FRMD3: variants seen among roughly 807,000 people sequenced by gnomAD.
FRMD3 encodes the protein FERM domain containing 3.
In FRMD3, 33 loss-of-function variants were observed where a neutral mutation model predicts 70.2. That is an observed-to-expected ratio of 0.47 (90% CI 0.36 to 0.63). The LOEUF (loss-of-function observed/expected upper bound fraction) is 0.63. Ranked by LOEUF, FRMD3 falls within the 20% of genes least tolerant of loss-of-function variation. The pLI, the probability that FRMD3 is intolerant of heterozygous loss-of-function variation, is 0.00. For synonymous variants in FRMD3, 279 were observed against 255.9 expected (o/e 1.09, Z -0.86); for missense variants, 632 against 711.4 (o/e 0.89, Z 1.27).
intron 1 of FRMD3, among the ~76,000 whole-genome samples, chr9:83,501,723 G>A (rs1424087633): frequency 2.6e-5 from 4 of 152,232 alleles, no homozygotes; most frequent in African/African-American, 7.2e-5. Flanking sequence ...TGTAACAAGC[G>A]GCAAGGCAAC....
At chr9:83,543,567 C>T in the FRMD3 span, among the ~76,000 whole-genome samples, 4 of 152,152 alleles carry the variant, frequency 2.6e-5, no homozygotes, top group Non-Finnish European at 5.9e-5. Flanking sequence ...CTTGTGTCTC[C>T]ACATCACCAA....
intron 1 of FRMD3, among the ~76,000 whole-genome samples, chr9:83,419,963 G>A (rs779268473): frequency 8.5e-5 from 13 of 152,184 alleles, no homozygotes; most frequent in Non-Finnish European, 1.6e-4. Context: ...ACCTCAGGTA[G>A]ACCACGGACT....
intron 6 of FRMD3, among the ~76,000 whole-genome samples, chr9:83,327,333 T>A (rs1836059907): frequency 6.6e-6 from 1 of 152,212 alleles, no homozygotes; most frequent in African/African-American, 2.4e-5. Flanking sequence ...TGGCTTCAAA[T>A]GTTTGGGAGT....
At chr9:83,322,023 T>A (rs72743061) in intron 6 of FRMD3, among the ~76,000 whole-genome samples, 20,789 of 151,980 alleles carry the variant, frequency 0.14, 1,543 homozygotes, top group Non-Finnish European at 0.17. Flanking sequence ...GTTGCAGCCA[T>A]GACAACTTGA....
intron 1 of FRMD3, among the ~76,000 whole-genome samples, chr9:83,523,062 GATTA>G (rs1829611446): frequency 1.3e-5 from 2 of 152,110 alleles, no homozygotes; most frequent in Non-Finnish European, 2.9e-5. Flanking sequence ...GATTGGCAAG[GATTA>G]ATTATTATTT....
chr9:83,274,240 C>T (rs1220567090), intron 13 of FRMD3, among the ~76,000 whole-genome samples: 1 of 152,190 alleles, frequency 6.6e-6, no homozygotes, highest in African/African-American at 2.4e-5. Context: ...CTCTACAACA[C>T]AGGACTTCTA....
chr9:83,246,587 G>A lies in FRMD3; in HGVS notation c.*1331C>T. ...TTAAAACAACTGGGAAAGGAAAGGA[G>A]TATAATGACCACCGCAAAACATGAT... On this transcript the variant is annotated 3_prime_UTR_variant, in exon 14 of 14. Transcript: ENST00000304195. The A allele has an allele frequency of 4.1e-6, 4 of 984,648 alleles. No individual in the cohort carries two copies. The highest frequency in any genetic ancestry group is 4.8e-6 in the Non-Finnish European group (4 of 829,792). The allele number at this position is 984,648 out of a possible 1,614,324, so 61.0% of individuals were successfully genotyped here.
intron 13 of FRMD3, chr9:83,267,177 T>C: frequency 1.9e-6 from 3 of 1,550,550 alleles, no homozygotes; most frequent in Non-Finnish European, 2.6e-6. Flanking sequence ...TCGGCCTGCA[T>C]GGCCCAGGGC....
At chr9:83,270,960 C>G (rs1420003080) in intron 13 of FRMD3, among the ~76,000 whole-genome samples, 1 of 151,368 alleles carries the variant, frequency 6.6e-6, no homozygotes, top group Admixed American at 6.6e-5. Flanking sequence ...TTACGAGTTA[C>G]TCCTCCCCAA....
intron 9 of FRMD3, among the ~76,000 whole-genome samples, 188 bp downstream of exon 9, chr9:83,310,297 A>G (rs2131048145): frequency 6.6e-6 from 1 of 152,226 alleles, no homozygotes; most frequent in East Asian, 1.9e-4. Context: ...TACTGACTTT[A>G]TTGTTCAATG....
At chr9:83,498,982 G>C (rs1350186581) in intron 1 of FRMD3, among the ~76,000 whole-genome samples, 1 of 152,132 alleles carries the variant, frequency 6.6e-6, no homozygotes, top group Non-Finnish European at 1.5e-5. Flanking sequence ...TGCAAAATGA[G>C]TATGTTACCT....
rs183235868 is a variant in FRMD3, at chr9:83,383,455, G to A, written c.252+6149C>T. On this transcript the variant is annotated intron_variant, in intron 2 of 13. Transcript: ENST00000304195. ...AAATAGTCATTTTCTAACCTATACT[G>A]TTTTTATTTCTCCAAGTCATACATC... 2.0e-3 allele frequency among the ~76,000 whole-genome samples: 302 copies of A among 152,226 alleles called. 3 individuals carry two copies. Among genetic ancestry groups the A allele is most frequent in the African/African-American group, 6.9e-3 (285 of 41,552 alleles).
chr9:83,531,933 G>C (rs895769999), intron 1 of FRMD3, among the ~76,000 whole-genome samples: 1 of 152,174 alleles, frequency 6.6e-6, no homozygotes, highest in Admixed American at 6.5e-5. Flanking sequence ...TTAAGGTCTT[G>C]CACCATCAGA....
chr9:83,539,203 C>G, upstream of FRMD3, among the ~76,000 whole-genome samples: 2 of 152,166 alleles, frequency 1.3e-5, 1 homozygote, highest in Non-Finnish European at 2.9e-5. Context: ...AGCGGATGTG[C>G]CCCATCCCGT....
chr9:83,293,210 C>T (rs548620430), intron 12 of FRMD3, among the ~76,000 whole-genome samples: 1 of 152,108 alleles, frequency 6.6e-6, no homozygotes, highest in Non-Finnish European at 1.5e-5. Flanking sequence ...GATAAAAATT[C>T]GCCATGAGCA....
chr9:83,472,216 T>C (rs529238022), intron 1 of FRMD3, among the ~76,000 whole-genome samples: 5 of 152,166 alleles, frequency 3.3e-5, no homozygotes, highest in African/African-American at 1.2e-4. Context: ...GTCAACAACG[T>C]CAAACTAGTT....
Position 83,405,933 on chromosome 9 carries a change from G to A in FRMD3, c.148-16225C>T, listed in dbSNP as rs531930507. On this transcript the variant is annotated intron_variant, in intron 1 of 13. Coordinates refer to ENST00000304195, the MANE Select transcript of FRMD3 (RefSeq NM_174938.6). ...GACGAAAATTCTGCCAATTTTACTCGGTCACAGATTAAAGCAAACAGTAAC... is the reference window on the plus strand; with the variant it reads ...GACGAAAATTCTGCCAATTTTACTCAGTCACAGATTAAAGCAAACAGTAAC... Among the ~76,000 whole-genome samples the A allele has an allele frequency of 5.3e-5, 8 of 152,110 alleles. No individual in the cohort carries two copies. In the South Asian group the frequency reaches 6.2e-4, roughly 12 times the overall value.
At chr9:83,257,245 AT>A (rs1832750873) in intron 13 of FRMD3, among the ~76,000 whole-genome samples, 3 of 152,230 alleles carry the variant, frequency 2.0e-5, no homozygotes, top group Admixed American at 6.5e-5. Flanking sequence ...GTTGGAAGTC[AT>A]TATCCTCAGC....
At chr9:83,314,716 GTCTAGGGAGCA>G (rs1175228483) in intron 6 of FRMD3, among the ~76,000 whole-genome samples, 1 of 152,136 alleles carries the variant, frequency 6.6e-6, no homozygotes, top group Non-Finnish European at 1.5e-5. Context: ...ACTGTGGTAT[GTCTAGGGAGCA>G]TCTTTATTTA....
Sources: gnomAD v4.1 joint callset for allele counts (sites outside exome capture counted in the v4.1 genomes callset) on GRCh38, gnomAD v4.1.1 for gene constraint, MANE v1.5 for transcripts, NCBI Gene and HGNC (gene_info 2026-07-23, HGNC 2026-07-21) for gene names.